FLRT2: variants seen among roughly 807,000 people sequenced by gnomAD.
FLRT2 encodes fibronectin leucine rich transmembrane protein 2.
FLRT2 carries 15 observed loss-of-function variants against 40.0 expected under a neutral mutation model. That is an observed-to-expected ratio of 0.38 (90% CI 0.25 to 0.58). FLRT2 has a LOEUF of 0.58. FLRT2 is among the 20% of genes least tolerant of loss of function. FLRT2 has a pLI of 0.71. For synonymous variants in FLRT2, 380 were observed against 336.8 expected (o/e 1.13, Z -1.41); for missense variants, 726 against 840.0 (o/e 0.86, Z 1.68).
intron 1 of FLRT2, among the ~76,000 whole-genome samples, chr14:85,534,958 G>T (rs546125298): frequency 4.6e-5 from 7 of 151,934 alleles, no homozygotes; most frequent in Non-Finnish European, 8.8e-5. Context: ...TCCTGTGAAT[G>T]GGAATCAGTC....
At chr14:85,564,751 A>C (rs1890541523) in intron 1 of FLRT2, among the ~76,000 whole-genome samples, 1 of 152,246 alleles carries the variant, frequency 6.6e-6, no homozygotes, top group Admixed American at 6.5e-5. Context: ...GTAATGTAAT[A>C]GTTCTTAAAC....
chr14:85,580,820 C>T (rs1329189797), intron 1 of FLRT2, among the ~76,000 whole-genome samples: 1 of 151,930 alleles, frequency 6.6e-6, no homozygotes, highest in African/African-American at 2.4e-5. Flanking sequence ...TGGGGTTTTA[C>T]TTATATATCA....
intron 1 of FLRT2, among the ~76,000 whole-genome samples, chr14:85,591,578 C>T (rs897447769): frequency 6.6e-5 from 10 of 152,188 alleles, no homozygotes; most frequent in Non-Finnish European, 1.3e-4. Flanking sequence ...GCAGGGGACA[C>T]ACCACAGCCC....
intron 1 of FLRT2, among the ~76,000 whole-genome samples, chr14:85,570,393 A>G (rs1890833153): frequency 6.6e-6 from 1 of 152,172 alleles, no homozygotes; most frequent in South Asian, 2.1e-4. Context: ...TTACAGTATT[A>G]GAAGTATCCA....
intron 1 of FLRT2, among the ~76,000 whole-genome samples, chr14:85,545,426 G>A (rs950388599): frequency 3.3e-5 from 5 of 152,070 alleles, no homozygotes; most frequent in Non-Finnish European, 5.9e-5. Context: ...GTCTTAAAAG[G>A]GTAGATGGAC....
chr14:85,587,287 G>GAAA (rs748034839), intron 1 of FLRT2, among the ~76,000 whole-genome samples: 125 of 88,226 alleles, frequency 1.4e-3, no homozygotes, highest in African/African-American at 3.7e-3. Context: ...CTAAGGAATG[G>GAAA]AAAAAAAAAA....
At chr14:85,612,221 A>G (rs1307646558) in intron 1 of FLRT2, among the ~76,000 whole-genome samples, 1 of 151,836 alleles carries the variant, frequency 6.6e-6, no homozygotes, top group Non-Finnish European at 1.5e-5. Flanking sequence ...CCTTTGGGGT[A>G]GAGTTTGAAA....
chr14:85,547,208 A>G (rs1217053353), intron 1 of FLRT2, among the ~76,000 whole-genome samples: 2 of 152,270 alleles, frequency 1.3e-5, no homozygotes, highest in Non-Finnish European at 2.9e-5. Context: ...GTCTTTCCAA[A>G]GAAAGTTATT....
chr14:85,643,350 TCTTTCTTCCTTC>T lies in FLRT2; in HGVS notation c.*19857_*19868del, dbSNP rs1894209059. ...TTCTTTCTTTCTTTCTTTCTTTCTT[TCTTTCTTCCTTC>T]CTTCCTTCCTTCCTTTCTTTCCTTT... On this transcript the variant is annotated 3_prime_UTR_variant, in exon 2 of 2. Coordinates refer to ENST00000330753, the MANE Select transcript of FLRT2 (RefSeq NM_013231.6). The T allele has an allele frequency of 2.3e-4, 10 of 42,828 alleles. No homozygotes were observed. Among genetic ancestry groups the T allele is most frequent in the African/African-American group, 7.1e-4 (10 of 14,070 alleles). 2.7% of individuals were successfully genotyped at this position (42,828 alleles called of 1,614,324 possible).
At chr14:85,550,952 G>A (rs1296369641) in intron 1 of FLRT2, among the ~76,000 whole-genome samples, 1 of 152,090 alleles carries the variant, frequency 6.6e-6, no homozygotes, top group South Asian at 2.1e-4. Context: ...GCATGCACAC[G>A]AGCTGGCTTT....
intron 1 of FLRT2, among the ~76,000 whole-genome samples, chr14:85,585,390 C>T (rs971509726): frequency 6.6e-6 from 1 of 152,154 alleles, no homozygotes; most frequent in Non-Finnish European, 1.5e-5. Context: ...TTCAGGCTGC[C>T]TTCCCCATTT....
chr14:85,590,395 G>A (rs2139315113), intron 1 of FLRT2, among the ~76,000 whole-genome samples: 1 of 152,146 alleles, frequency 6.6e-6, no homozygotes, highest in South Asian at 2.1e-4. Context: ...TAAGAGTTTA[G>A]AACTTGAAAA....
At chr14:85,555,498 A>C (rs1218082786) in intron 1 of FLRT2, among the ~76,000 whole-genome samples, 2 of 152,072 alleles carry the variant, frequency 1.3e-5, no homozygotes, top group Non-Finnish European at 2.9e-5. Flanking sequence ...AAACCATCAG[A>C]TCTCATGAGA....
chr14:85,570,722 C>T (rs1028387209), intron 1 of FLRT2, among the ~76,000 whole-genome samples: 25 of 151,884 alleles, frequency 1.6e-4, no homozygotes, highest in African/African-American at 6.0e-4. Flanking sequence ...GCTGGGACTC[C>T]AGGCACCCGC....
intron 1 of FLRT2, chr14:85,559,473 C>G (rs1229077050): frequency 6.6e-6 from 1 of 152,124 alleles, no homozygotes; most frequent in Non-Finnish European, 1.5e-5. Context: ...TCCTTTGGTT[C>G]CAAATGGTTC....
At position 85,643,380 on chromosome 14, in the gene FLRT2, T is replaced by TTTTCC. The variant is rs1894213435; in HGVS notation, c.*19885_*19886insTCCTT. 1 of 140,006 alleles carries TTTTCC rather than the reference T, an allele frequency of 7.1e-6. No individual in the cohort carries two copies. The highest frequency in any genetic ancestry group is 1.5e-5 in the Non-Finnish European group (1 of 64,906). 8.7% of individuals were successfully genotyped at this position (140,006 alleles called of 1,614,324 possible). ...CTTCCTTCCTTCCTTCCTTCCTTTCTTTCCTTTCTCCTTTTTCTTTTTTTT... is the reference window on the plus strand; with the variant it reads ...CTTCCTTCCTTCCTTCCTTCCTTTCTTTTCCTTCCTTTCTCCTTTTTCTTTTTTTT... On this transcript the variant is annotated 3_prime_UTR_variant, in exon 2 of 2. Coordinates refer to ENST00000330753, the MANE Select transcript of FLRT2 (RefSeq NM_013231.6).
rs540112587 is a variant in FLRT2 at position 85,635,913 on chromosome 14, T to C, written c.*12416T>C. ...TTTCATCACATCATACACCTGAATG[T>C]AATCAACATTGCTTTATTAAAGATG... On this transcript the variant is annotated 3_prime_UTR_variant, in exon 2 of 2. Transcript: ENST00000330753. The C allele has an allele frequency of 1.1e-3, 171 of 152,264 alleles. No individual in the cohort carries two copies. Among genetic ancestry groups the C allele is most frequent in the African/African-American group, 4.0e-3 (167 of 41,572 alleles). The allele number at this position is 152,264 out of a possible 1,614,324, so 9.4% of individuals were successfully genotyped here.
intron 1 of FLRT2, among the ~76,000 whole-genome samples, chr14:85,558,068 C>T (rs779646963): frequency 2.7e-5 from 4 of 146,026 alleles, no homozygotes; most frequent in East Asian, 3.9e-4. Flanking sequence ...AGAAAGCATC[C>T]GTAGACTTCC....
At position 85,607,024 on chromosome 14, in the gene FLRT2, C is replaced by A. The variant is rs568333727; in HGVS notation, c.-376-14115C>A. Reference sequence around the variant, plus strand: ...TATATCTATGGATGTACTGTAGCCACCTGGAGGGACACAAATTCTCATAAT... The same window carrying A: ...TATATCTATGGATGTACTGTAGCCAACTGGAGGGACACAAATTCTCATAAT... On this transcript the variant is annotated intron_variant, in intron 1 of 1. Transcript: ENST00000330753. 4.4e-4 allele frequency among the ~76,000 whole-genome samples: 67 copies of A among 151,712 alleles called. 1 individual carries two copies. The highest frequency in any genetic ancestry group is 4.0e-3 in the Admixed American group (61 of 15,250).
Sources: gnomAD v4.1 joint callset for allele counts (sites outside exome capture counted in the v4.1 genomes callset) on GRCh38, gnomAD v4.1.1 for gene constraint, MANE v1.5 for transcripts, NCBI Gene and HGNC (gene_info 2026-07-23, HGNC 2026-07-21) for gene names.